Variants in CACHD1 observed in about 807,000 individuals in gnomAD.
The protein encoded by CACHD1 is VWFA and cache domain-containing protein 1.
In CACHD1, 71 loss-of-function variants were observed where a neutral mutation model predicts 138.7. The ratio of observed to expected loss-of-function variants is 0.51; its 90% CI spans 0.42 to 0.62. CACHD1 has a LOEUF of 0.62. Among genes scored for constraint, CACHD1 ranks in the 20% least tolerant of loss-of-function variants. The pLI, the probability that CACHD1 is intolerant of heterozygous loss-of-function variation, is 0.00. For missense variants in CACHD1, 1,389 were observed against 1,625.3 expected (o/e 0.85, Z 2.50); for synonymous variants, 578 against 591.5 (o/e 0.98, Z 0.33).
rs532444381 is a variant in CACHD1 at position 64,549,801 on chromosome 1, T to A, written c.199-793T>A. On this transcript the variant is annotated intron_variant, in intron 1 of 26. Coordinates refer to ENST00000651257, the MANE Select transcript of CACHD1 (RefSeq NM_020925.4). ...TAAGGCTGCTGCTCTTTTTATTTTT[T>A]TTATTTTTTTGCTCCTCTAGCAGAT... Among the ~76,000 whole-genome samples the A allele has an allele frequency of 3.5e-3, 522 of 150,892 alleles. 3 individuals carry two copies. Among genetic ancestry groups the A allele is most frequent in the African/African-American group, 0.011 (434 of 41,026 alleles).
At chr1:64,596,846 G>T (rs1358787068) in intron 3 of CACHD1, among the ~76,000 whole-genome samples, 1 of 152,116 alleles carries the variant, frequency 6.6e-6, no homozygotes, top group African/African-American at 2.4e-5. Context: ...TTTCCACAGG[G>T]ATTTGCTTTT....
intron 1 of CACHD1, among the ~76,000 whole-genome samples, chr1:64,498,451 C>T (rs1161975989): frequency 6.6e-6 from 1 of 152,168 alleles, no homozygotes; most frequent in African/African-American, 2.4e-5. Context: ...AAGTTTACTG[C>T]ATCTTTACTT....
chr1:64,531,843 C>G (rs1553130104), intron 1 of CACHD1, among the ~76,000 whole-genome samples: 1 of 152,156 alleles, frequency 6.6e-6, no homozygotes, highest in Non-Finnish European at 1.5e-5. Context: ...AGTTTAATGC[C>G]AGACTCATTC....
chr1:64,509,912 A>G (rs1227373544), intron 1 of CACHD1, among the ~76,000 whole-genome samples: 1 of 151,148 alleles, frequency 6.6e-6, no homozygotes, highest in African/African-American at 2.4e-5. Context: ...AAGAAATAAT[A>G]CCTTTCAGAA....
intron 7 of CACHD1, among the ~76,000 whole-genome samples, chr1:64,635,673 G>A (rs968185967): frequency 3.3e-5 from 5 of 151,332 alleles, no homozygotes; most frequent in African/African-American, 7.3e-5. Flanking sequence ...GAGCCACCAC[G>A]CCTGGCCTCT....
At chr1:64,522,828 C>T (rs1646508964) in intron 1 of CACHD1, among the ~76,000 whole-genome samples, 1 of 151,954 alleles carries the variant, frequency 6.6e-6, no homozygotes, top group Non-Finnish European at 1.5e-5. Flanking sequence ...GATGAAAATC[C>T]CAGTGAGAAA....
chr1:64,577,966 G>A (rs1646982058), intron 2 of CACHD1, among the ~76,000 whole-genome samples: 1 of 152,128 alleles, frequency 6.6e-6, no homozygotes, highest in Admixed American at 6.5e-5. Flanking sequence ...ACCTCTGCCA[G>A]GGCTGCTCTC....
chr1:64,580,735 T>C (rs61575167), intron 2 of CACHD1, among the ~76,000 whole-genome samples: 2,765 of 152,290 alleles, frequency 0.018, 73 homozygotes, highest in African/African-American at 0.063. Flanking sequence ...GGTGCTGTCC[T>C]GTGCATTGTA....
intron 15 of CACHD1, among the ~76,000 whole-genome samples, chr1:64,665,286 C>G (rs1649592928): frequency 6.6e-6 from 1 of 151,250 alleles, no homozygotes; most frequent in Non-Finnish European, 1.5e-5. Context: ...GAAACCCCAT[C>G]TCTACAAAAA....
intron 3 of CACHD1, among the ~76,000 whole-genome samples, chr1:64,599,996 T>G (rs983234774): frequency 6.6e-6 from 1 of 152,128 alleles, no homozygotes; most frequent in Non-Finnish European, 1.5e-5. Flanking sequence ...CAGAATCGTA[T>G]GTGGTTTGTC....
intron 2 of CACHD1, among the ~76,000 whole-genome samples, chr1:64,570,812 G>A (rs943694792): frequency 3.3e-5 from 5 of 152,072 alleles, no homozygotes; most frequent in African/African-American, 1.2e-4. Context: ...CTTAATAGCA[G>A]GCAATGTACT....
At chr1:64,643,755 T>G (rs556569647) in intron 8 of CACHD1, among the ~76,000 whole-genome samples, 56 of 152,224 alleles carry the variant, frequency 3.7e-4, no homozygotes, top group Admixed American at 1.2e-3. Flanking sequence ...GGAGAAAGGC[T>G]AGAACCCGGG....
intron 1 of CACHD1, among the ~76,000 whole-genome samples, chr1:64,513,346 A>C (rs1488070705): frequency 6.6e-6 from 1 of 152,208 alleles, no homozygotes; most frequent in Non-Finnish European, 1.5e-5. Flanking sequence ...CAATTGAGAA[A>C]TACTGTTCTA....
intron 2 of CACHD1, among the ~76,000 whole-genome samples, chr1:64,581,923 T>C (rs1480419207): frequency 6.6e-6 from 1 of 152,234 alleles, no homozygotes; most frequent in Non-Finnish European, 1.5e-5. Flanking sequence ...TGCCGTCATC[T>C]GTTACAAGAA....
intron 1 of CACHD1, among the ~76,000 whole-genome samples, chr1:64,474,744 C>T (rs1369082728): frequency 6.6e-6 from 1 of 152,260 alleles, no homozygotes; most frequent in Non-Finnish European, 1.5e-5. Flanking sequence ...GCCATTTCGC[C>T]AGGCACTTAT....
At chr1:64,563,919 T>C (rs1031416392) in intron 2 of CACHD1, 1 of 152,208 alleles carries the variant, frequency 6.6e-6, no homozygotes, top group Admixed American at 6.5e-5. Context: ...GATTAGGTGG[T>C]TGCCTACTCT....
intron 4 of CACHD1, among the ~76,000 whole-genome samples, chr1:64,605,731 G>A (rs980843464): frequency 3.9e-5 from 6 of 152,160 alleles, no homozygotes; most frequent in Non-Finnish European, 8.8e-5. Flanking sequence ...TGGAGGATCT[G>A]GAGGCTGTGG....
At chr1:64,501,546 C>A (rs1646340235) in intron 1 of CACHD1, among the ~76,000 whole-genome samples, 1 of 152,132 alleles carries the variant, frequency 6.6e-6, no homozygotes, top group South Asian at 2.1e-4. Context: ...ACTACTTTTT[C>A]TATAAGAAAA....
chr1:64,612,144 T>C (rs1310988368), intron 4 of CACHD1, among the ~76,000 whole-genome samples: 1 of 152,152 alleles, frequency 6.6e-6, no homozygotes, highest in Non-Finnish European at 1.5e-5. Flanking sequence ...GGTTTCTCCC[T>C]AACATGTGAG....
Sources: gnomAD v4.1 joint callset for allele counts (sites outside exome capture counted in the v4.1 genomes callset) on GRCh38, gnomAD v4.1.1 for gene constraint, MANE v1.5 for transcripts, NCBI Gene and HGNC (gene_info 2026-07-23, HGNC 2026-07-21) for gene names.